JMY: variants seen among roughly 807,000 people sequenced by gnomAD.
JMY encodes the protein junction-mediating and -regulatory protein.
Under a neutral mutation model 103.3 loss-of-function variants are expected in JMY, and 46 were observed. The ratio of observed to expected loss-of-function variants is 0.45; its 90% CI spans 0.35 to 0.57. JMY has a LOEUF of 0.57. Ranked by LOEUF, JMY falls within the 20% of genes least tolerant of loss-of-function variation. JMY has a pLI of 0.00. For missense variants in JMY, 1,238 were observed against 1,255.2 expected (o/e 0.99, Z 0.21); for synonymous variants, 526 against 489.3 (o/e 1.07, Z -0.99).
Position 79,314,861 on chromosome 5 carries a change from C to A in JMY, c.2659+10C>A, listed in dbSNP as rs1561316377. 1 of 1,536,966 alleles carries A rather than the reference C, an allele frequency of 6.5e-7. No homozygotes were observed. The highest frequency in any genetic ancestry group is 1.3e-5 in the South Asian group (1 of 77,706). ...TTGCAGAGGAGGAGAGGTACGTCAA[C>A]ATATTTTCATGGTCCATCTGTTGTA... On this transcript the variant is annotated intron_variant, in intron 9 of 10. Transcript: ENST00000396137.
intron 10 of JMY, among the ~76,000 whole-genome samples, 178 bp downstream of exon 10, chr5:79,316,488 T>G (rs903309830): frequency 6.6e-6 from 1 of 152,190 alleles, no homozygotes; most frequent in Non-Finnish European, 1.5e-5. Context: ...TTCTAGAAAC[T>G]TAAGATAACT....
At chr5:79,308,723 G>GT (rs1180716017) in intron 7 of JMY, among the ~76,000 whole-genome samples, 2 of 151,810 alleles carry the variant, frequency 1.3e-5, no homozygotes, top group African/African-American at 4.8e-5. Flanking sequence ...TCTTCTTTTA[G>GT]TTTTTTTGCT....
rs1396216918 is a variant in JMY at position 79,322,102 on chromosome 5, G to C, written c.*500G>C. ...TTATCATCATGATAGCTGTAAGTCA[G>C]GCATTAAAATCAAATGGAAATACAC... is the stretch of plus-strand genomic sequence containing the variant. On this transcript the variant is annotated 3_prime_UTR_variant, in exon 11 of 11. Coordinates refer to ENST00000396137, the MANE Select transcript of JMY (RefSeq NM_152405.5). 1 of 152,098 alleles carries C rather than the reference G, an allele frequency of 6.6e-6. No individual in the cohort carries two copies. Among genetic ancestry groups the C allele is most frequent in the Non-Finnish European group, 1.5e-5 (1 of 68,018 alleles). 9.4% of individuals were successfully genotyped at this position (152,098 alleles called of 1,614,324 possible).
chr5:79,260,664 T>TG (rs1745394657), intron 1 of JMY, among the ~76,000 whole-genome samples: 1 of 152,056 alleles, frequency 6.6e-6, no homozygotes, highest in Admixed American at 6.5e-5. Context: ...GTGCTGGGAT[T>TG]GCAGGCATGA....
At chr5:79,276,826 C>T (rs1450573293) in intron 1 of JMY, among the ~76,000 whole-genome samples, 1 of 151,884 alleles carries the variant, frequency 6.6e-6, no homozygotes, top group Admixed American at 6.6e-5. Flanking sequence ...AGGATCATTT[C>T]AATTACTGGA....
chr5:79,269,036 G>T (rs1251356568), intron 1 of JMY, among the ~76,000 whole-genome samples: 1 of 151,914 alleles, frequency 6.6e-6, no homozygotes, highest in Non-Finnish European at 1.5e-5. Context: ...TTAATGGATT[G>T]TGTTTTTGGT....
intron 1 of JMY, among the ~76,000 whole-genome samples, chr5:79,238,648 C>CTTT (rs1055172051): frequency 0.019 from 2,263 of 120,630 alleles, 92 homozygotes; most frequent in African/African-American, 0.062. Context: ...TCCGCGCCTT[C>CTTT]TTTTTTTTTT....
chr5:79,301,634 C>G (rs370777049), intron 6 of JMY, among the ~76,000 whole-genome samples: 1 of 152,214 alleles, frequency 6.6e-6, no homozygotes, highest in African/African-American at 2.4e-5. Flanking sequence ...CCTTCTATCA[C>G]GTTGTCCATC....
intron 2 of JMY, among the ~76,000 whole-genome samples, chr5:79,278,956 G>T (rs12515353): frequency 6.6e-6 from 1 of 152,088 alleles, no homozygotes; most frequent in Non-Finnish European, 1.5e-5. Flanking sequence ...TGTTTTAGAA[G>T]AACTTGTTAG....
chr5:79,275,174 T>G (rs79342964), intron 1 of JMY, among the ~76,000 whole-genome samples: 24 of 150,492 alleles, frequency 1.6e-4, no homozygotes, highest in Middle Eastern at 3.4e-3. Context: ...TTTTTTTTTT[T>G]GGAGATGGAG....
chr5:79,319,121 C>T (rs1385789667), intron 10 of JMY, among the ~76,000 whole-genome samples: 3 of 152,208 alleles, frequency 2.0e-5, no homozygotes, highest in East Asian at 3.8e-4. Flanking sequence ...CCCATCCCAC[C>T]ATATCCTGCC....
In JMY at chr5:79,237,328, G is replaced by A. The variant is rs753345312; in HGVS notation, c.678G>A (p.Glu226=). The stretch of plus-strand genomic sequence containing the variant: ...CCGAGCTGGAGTCTCCGGCCGAAGA[G>A]TGCAGCTGGGCCGGACTGTTTTCTT... ...PATELESPAE[E]CSWAGLFSFQ... Residue 226 remains glutamate (E), a synonymous_variant, in exon 1 of 11, where the codon GAG becomes GAA. Coordinates refer to ENST00000396137, the MANE Select transcript of JMY (RefSeq NM_152405.5). 6.3e-7 allele frequency: 1 copy of A among 1,590,140 alleles called. No homozygotes were observed. The highest frequency in any genetic ancestry group is 8.6e-7 in the Non-Finnish European group (1 of 1,169,100).
intron 6 of JMY, among the ~76,000 whole-genome samples, chr5:79,302,283 A>G (rs542055714): frequency 7.1e-4 from 108 of 152,274 alleles, no homozygotes; most frequent in Middle Eastern, 3.4e-3. Flanking sequence ...TGAAAATGCT[A>G]TGCAATTCAG....
intron 1 of JMY, among the ~76,000 whole-genome samples, chr5:79,268,590 C>A (rs1215670607): frequency 1.3e-5 from 2 of 152,030 alleles, no homozygotes; most frequent in Admixed American, 1.3e-4. Context: ...CGGGTTCAAG[C>A]GATTCTTCTG....
chr5:79,284,798 T>C (rs1746220915), intron 2 of JMY: 3 of 1,577,626 alleles, frequency 1.9e-6, no homozygotes, highest in Non-Finnish European at 2.6e-6. Context: ...ATATTTCTTA[T>C]ATTGAACATA....
At chr5:79,257,815 T>G (rs1745293417) in intron 1 of JMY, among the ~76,000 whole-genome samples, 1 of 151,948 alleles carries the variant, frequency 6.6e-6, no homozygotes, top group African/African-American at 2.4e-5. Context: ...CAGGCTGGAG[T>G]GCAGTGGTGC....
At chr5:79,293,597 C>T (rs1434810337) in intron 4 of JMY, among the ~76,000 whole-genome samples, 3 of 152,082 alleles carry the variant, frequency 2.0e-5, no homozygotes, top group Non-Finnish European at 4.4e-5. Context: ...CCTTTTAGGT[C>T]ATTCTTGCCC....
At chr5:79,279,565 C>T (rs745915414) in intron 2 of JMY, among the ~76,000 whole-genome samples, 3 of 152,054 alleles carry the variant, frequency 2.0e-5, no homozygotes, top group African/African-American at 7.2e-5. Context: ...GAACCTTATG[C>T]GTGGGGACAG....
Position 79,312,404 on chromosome 5 carries a change from A to C in JMY, c.1970A>C (p.Lys657Thr), listed in dbSNP as rs1207467198. The C allele has an allele frequency of 3.9e-6, 6 of 1,538,276 alleles. No homozygotes were observed. The highest frequency in any genetic ancestry group is 5.3e-6 in the Non-Finnish European group (6 of 1,138,444). ...EYRTHHTVQLKREKLHDEEER... is the reference protein window; with the variant it reads ...EYRTHHTVQLTREKLHDEEER... The stretch of plus-strand genomic sequence containing the variant: ...GAATTATTATTAATTTTTTACCAGA[A>C]GAGAGAAAAATTACATGATGAAGAA... Residue 657 changes from lysine to threonine, a missense_variant and splice_region_variant, in exon 8 of 11, where the codon AAG (lysine) becomes ACG (threonine). Coordinates refer to ENST00000396137, the MANE Select transcript of JMY (RefSeq NM_152405.5).
Sources: allele counts gnomAD v4.1 joint callset (sites outside exome capture counted in the v4.1 genomes callset), GRCh38; gene constraint gnomAD v4.1.1; transcripts MANE v1.5; gene names NCBI Gene and HGNC (gene_info 2026-07-23, HGNC 2026-07-21).